GPC6: variants seen among roughly 807,000 people sequenced by gnomAD.
GPC6 encodes the protein glypican-6.
A neutral mutation model predicts 55.2 loss-of-function variants in GPC6; 14 were observed. The ratio of observed to expected loss-of-function variants is 0.25; its 90% confidence interval spans 0.17 to 0.40. GPC6 has a LOEUF of 0.40. GPC6 is among the 10% of genes least tolerant of loss of function. The pLI is 1.00. For missense variants in GPC6, 641 were observed against 708.5 expected (o/e 0.90, Z 1.08); for synonymous variants, 278 against 259.6 (o/e 1.07, Z -0.68).
intron 3 of GPC6, among the ~76,000 whole-genome samples, chr13:93,955,743 C>T (rs1014311549): frequency 2.6e-5 from 4 of 152,106 alleles, no homozygotes; most frequent in Non-Finnish European, 4.4e-5. Context: ...AATATTATTT[C>T]GGGTAGGGTA....
chr13:94,332,998 G>A (rs1469549715), intron 6 of GPC6, among the ~76,000 whole-genome samples: 1 of 152,162 alleles, frequency 6.6e-6, no homozygotes, highest in Admixed American at 6.5e-5. Flanking sequence ...TTTTCCCAGG[G>A]GCGATAGATG....
At chr13:93,380,972 G>T (rs1260805933) in intron 1 of GPC6, among the ~76,000 whole-genome samples, 1 of 152,014 alleles carries the variant, frequency 6.6e-6, no homozygotes, top group Non-Finnish European at 1.5e-5. Flanking sequence ...CACACCGACT[G>T]GCATTCTACT....
chr13:94,310,859 G>A (rs573178421), intron 6 of GPC6, among the ~76,000 whole-genome samples: 2 of 152,148 alleles, frequency 1.3e-5, no homozygotes, highest in African/African-American at 2.4e-5. Context: ...TGCGTAGTCC[G>A]CCTGGAAAAC....
intron 1 of GPC6, among the ~76,000 whole-genome samples, chr13:93,305,676 A>C (rs1301300669): frequency 6.6e-6 from 1 of 152,122 alleles, no homozygotes; most frequent in Non-Finnish European, 1.5e-5. Flanking sequence ...TTTCTTCTAG[A>C]TATGTTGTCT....
intron 1 of GPC6, among the ~76,000 whole-genome samples, chr13:93,530,668 TA>T: frequency 6.6e-6 from 1 of 152,292 alleles, no homozygotes; most frequent in Middle Eastern, 3.4e-3. Flanking sequence ...CAGCAATTAT[TA>T]AAAATAAAAT....
chr13:93,937,904 A>T (rs1395224525), intron 3 of GPC6, among the ~76,000 whole-genome samples: 1 of 152,202 alleles, frequency 6.6e-6, no homozygotes, highest in East Asian at 1.9e-4. Context: ...ATAATTTATA[A>T]GAAAGAGTAA....
chr13:93,246,107 C>G (rs1252328939), intron 1 of GPC6, among the ~76,000 whole-genome samples: 2 of 152,206 alleles, frequency 1.3e-5, no homozygotes, highest in Admixed American at 6.5e-5. Flanking sequence ...CCTCCTTGAG[C>G]TGTTTTTCCT....
At chr13:93,631,769 CCT>C (rs1413470335) in intron 2 of GPC6, among the ~76,000 whole-genome samples, 3 of 152,154 alleles carry the variant, frequency 2.0e-5, no homozygotes, top group Admixed American at 6.5e-5. Flanking sequence ...TAGCATACTT[CCT>C]CAAACTCAGA....
At chr13:94,036,297 C>T (rs1163385326) in intron 4 of GPC6, among the ~76,000 whole-genome samples, 1 of 151,926 alleles carries the variant, frequency 6.6e-6, no homozygotes, top group Non-Finnish European at 1.5e-5. Context: ...ATATATAAAT[C>T]CCACATGAAA....
intron 3 of GPC6, among the ~76,000 whole-genome samples, chr13:93,875,796 A>C (rs1889274618): frequency 6.6e-6 from 1 of 152,020 alleles, no homozygotes; most frequent in African/African-American, 2.4e-5. Flanking sequence ...AACCCACTAG[A>C]GGAACTATCA....
rs1566764909 is a variant in GPC6, at chr13:94,403,432, A to G, written c.*215A>G. ...CTCTTTCCTTCAGCTATCTGTGGGG[A>G]CCTTGTTTATTCTAGAGAGAATTCT... On this transcript the variant is annotated 3_prime_UTR_variant, in exon 9 of 9. Coordinates refer to ENST00000377047, the MANE Select transcript of GPC6 (RefSeq NM_005708.5). The G allele has an allele frequency of 1.7e-6, 1 of 594,900 alleles. No homozygotes were observed. The highest frequency in any genetic ancestry group is 2.6e-5 in the Admixed American group (1 of 37,826). 36.9% of individuals were successfully genotyped at this position (594,900 alleles called of 1,614,324 possible). A position where few individuals can be genotyped will look rare whatever the true frequency, so the allele number is the denominator to read the frequency against.
intron 4 of GPC6, among the ~76,000 whole-genome samples, chr13:94,155,409 T>C (rs1235651084): frequency 2.0e-5 from 3 of 152,142 alleles, no homozygotes; most frequent in Non-Finnish European, 4.4e-5. Flanking sequence ...CTATACCTTT[T>C]CCACAGCTTT....
chr13:94,184,670 A>G (rs1889110676), intron 4 of GPC6, among the ~76,000 whole-genome samples: 1 of 152,180 alleles, frequency 6.6e-6, no homozygotes, highest in African/African-American at 2.4e-5. Flanking sequence ...AGAGAAAAGG[A>G]AGCACTTATA....
At chr13:94,147,323 T>A (rs1566465332) in intron 4 of GPC6, among the ~76,000 whole-genome samples, 1 of 152,118 alleles carries the variant, frequency 6.6e-6, no homozygotes, top group African/African-American at 2.4e-5. Context: ...CATATACGGG[T>A]ACTCCAAACA....
chr13:93,245,584 G>T (rs1876570687), intron 1 of GPC6, among the ~76,000 whole-genome samples: 1 of 152,226 alleles, frequency 6.6e-6, no homozygotes, highest in African/African-American at 2.4e-5. Context: ...CTCAGGTGAT[G>T]CTGATGTTGT....
chr13:94,239,807 T>C (rs1052501855), intron 4 of GPC6, among the ~76,000 whole-genome samples: 1 of 152,120 alleles, frequency 6.6e-6, no homozygotes, highest in Non-Finnish European at 1.5e-5. Flanking sequence ...TTTAAGGTAT[T>C]AAGGCGAGAG....
intron 6 of GPC6, among the ~76,000 whole-genome samples, chr13:94,308,802 C>T: frequency 6.6e-6 from 1 of 152,202 alleles, no homozygotes; most frequent in East Asian, 1.9e-4. Context: ...CGGAGCTATA[C>T]CGAGGTTATT....
chr13:93,852,647 G>A (rs1888445914), intron 3 of GPC6, among the ~76,000 whole-genome samples: 4 of 151,556 alleles, frequency 2.6e-5, no homozygotes, highest in Admixed American at 6.6e-5. Flanking sequence ...ACTGAAAAGA[G>A]ACTTTTTCCC....
chr13:93,378,239 A>G (rs1875004517), intron 1 of GPC6, among the ~76,000 whole-genome samples: 1 of 152,238 alleles, frequency 6.6e-6, no homozygotes, highest in African/African-American at 2.4e-5. Context: ...ATGGCTTCCT[A>G]ATGGCTAGTT....
Sources: gnomAD v4.1 joint callset for allele counts (sites outside exome capture counted in the v4.1 genomes callset) on GRCh38, gnomAD v4.1.1 for gene constraint, MANE v1.5 for transcripts, NCBI Gene and HGNC (gene_info 2026-07-23, HGNC 2026-07-21) for gene names.